Variants in OR2L13 observed in about 807,000 individuals in gnomAD.
OR2L13 encodes the protein olfactory receptor family 2 subfamily L member 13.
In OR2L13, 14 loss-of-function variants were observed where a neutral mutation model predicts 15.3. That is an observed-to-expected ratio of 0.91 (90% CI 0.60 to 1.43). The LOEUF (loss-of-function observed/expected upper bound fraction) is 1.43. Among genes scored for constraint, OR2L13 ranks in the 40% most tolerant of loss-of-function variants. OR2L13 has a pLI of 0.00. For synonymous variants in OR2L13, 152 were observed against 142.9 expected (o/e 1.06, Z -0.45); for missense variants, 367 against 387.9 (o/e 0.95, Z 0.45).
At chr1:248,091,766 T>A (rs1268815870), upstream of OR2L13, among the ~76,000 whole-genome samples, 2 of 152,006 alleles carry the variant, frequency 1.3e-5, no homozygotes, top group Admixed American at 1.3e-4. Context: ...GCTATTTGGG[T>A]TTTATTTATT....
the OR2L13 span, chr1:248,013,675 G>A: frequency 6.6e-6 from 1 of 152,136 alleles, no homozygotes; most frequent in Non-Finnish European, 1.5e-5. Context: ...TTCATATGAT[G>A]ACTATACGAC....
At chr1:248,048,105 A>G in the OR2L13 span, among the ~76,000 whole-genome samples, 1 of 152,208 alleles carries the variant, frequency 6.6e-6, no homozygotes, top group Non-Finnish European at 1.5e-5. Flanking sequence ...ATATACTTTC[A>G]TAATCAGTTT....
chr1:248,037,618 A>G, the OR2L13 span, among the ~76,000 whole-genome samples: 2 of 152,194 alleles, frequency 1.3e-5, no homozygotes, highest in Non-Finnish European at 2.9e-5. Context: ...TTTTTTCTAA[A>G]TAGAATAAAT....
chr1:248,003,645 T>C, the OR2L13 span: 943 of 1,609,718 alleles, frequency 5.9e-4, 8 homozygotes, highest in African/African-American at 0.011. Context: ...CCATCTAGGG[T>C]TATCAATCAT....
the OR2L13 span, among the ~76,000 whole-genome samples, chr1:248,032,598 T>C: frequency 6.6e-6 from 1 of 152,196 alleles, no homozygotes; most frequent in South Asian, 2.1e-4. Flanking sequence ...TGTACATAAA[T>C]TCATACAATA....
the OR2L13 span, among the ~76,000 whole-genome samples, chr1:248,071,301 G>A: frequency 6.6e-6 from 1 of 152,024 alleles, no homozygotes; most frequent in African/African-American, 2.4e-5. Context: ...CTTCATCCCT[G>A]GGATGCAAGG....
chr1:247,968,742 C>T, the OR2L13 span, among the ~76,000 whole-genome samples: 1 of 151,888 alleles, frequency 6.6e-6, no homozygotes, highest in Non-Finnish European at 1.5e-5. Context: ...TCCAGTCTAT[C>T]ATTGATGGAC....
At chr1:247,970,084 T>G in the OR2L13 span, among the ~76,000 whole-genome samples, 706 of 152,326 alleles carry the variant, frequency 4.6e-3, 8 homozygotes, top group African/African-American at 0.016. Flanking sequence ...AAAACCTGTG[T>G]TGCCAGGGAG....
chr1:247,991,836 C>T, the OR2L13 span, among the ~76,000 whole-genome samples: 27 of 149,644 alleles, frequency 1.8e-4, 2 homozygotes, highest in African/African-American at 6.4e-4. Flanking sequence ...AAAAGTTATC[C>T]GCTTAGGTCC....
the OR2L13 span, among the ~76,000 whole-genome samples, chr1:247,997,954 G>T: frequency 6.6e-6 from 1 of 152,084 alleles, no homozygotes; most frequent in Admixed American, 6.6e-5. Flanking sequence ...GATGATGAAT[G>T]AATATATACA....
the OR2L13 span, among the ~76,000 whole-genome samples, chr1:248,068,588 G>A: frequency 6.6e-6 from 1 of 152,162 alleles, no homozygotes. Context: ...TCCTCCAAAG[G>A]AACACAGTTC....
chr1:248,019,980 A>G, the OR2L13 span, among the ~76,000 whole-genome samples: 4 of 151,882 alleles, frequency 2.6e-5, no homozygotes, highest in South Asian at 6.2e-4. Flanking sequence ...TAGAAACAGG[A>G]TTTTTCCATT....
At chr1:248,022,393 T>C in the OR2L13 span, 2 of 1,614,080 alleles carry the variant, frequency 1.2e-6, no homozygotes, top group African/African-American at 1.3e-5. Context: ...GGATCTTGGA[T>C]GATAGGCTCC....
At chr1:247,993,996 T>C in the OR2L13 span, among the ~76,000 whole-genome samples, 1 of 152,112 alleles carries the variant, frequency 6.6e-6, no homozygotes, top group South Asian at 2.1e-4. Flanking sequence ...CTTATTCTCT[T>C]TGGCATCTTA....
the OR2L13 span, chr1:248,039,142 G>T: frequency 6.2e-7 from 1 of 1,613,842 alleles, no homozygotes; most frequent in Non-Finnish European, 8.5e-7. Context: ...TACAGCCTGA[G>T]AAACAAGGAG....
the OR2L13 span, chr1:247,991,057 CT>C: frequency 6.4e-7 from 1 of 1,569,568 alleles, no homozygotes; most frequent in Non-Finnish European, 8.8e-7. Flanking sequence ...CCCAAGATCC[CT>C]GCGATCTCCG....
the OR2L13 span, chr1:248,022,995 C>A: frequency 2.9e-6 from 3 of 1,018,152 alleles, no homozygotes; most frequent in Middle Eastern, 2.2e-4. Flanking sequence ...AGAGATTAAT[C>A]CAGAATGTTT....
the OR2L13 span, among the ~76,000 whole-genome samples, chr1:247,978,186 C>G: frequency 2.0e-5 from 3 of 152,162 alleles, no homozygotes. Context: ...GCAATCACCG[C>G]GAGGGTCCCA....
At chr1:248,016,408 T>C in the OR2L13 span, among the ~76,000 whole-genome samples, 4 of 152,278 alleles carry the variant, frequency 2.6e-5, no homozygotes, top group South Asian at 2.1e-4. Flanking sequence ...ATCTTCTTTC[T>C]TTGAAAATAT....
Sources: allele counts gnomAD v4.1 joint callset (sites outside exome capture counted in the v4.1 genomes callset), GRCh38; gene constraint gnomAD v4.1.1; transcripts MANE v1.5; gene names NCBI Gene and HGNC (gene_info 2026-07-23, HGNC 2026-07-21).